Variants in DENND1A observed in about 807,000 individuals in gnomAD.
The protein encoded by DENND1A is DENN domain containing 1A, also known as DENN domain-containing protein 1A.
A neutral mutation model predicts 113.7 loss-of-function variants in DENND1A; 51 were observed. That is an observed-to-expected ratio of 0.45 (90% CI 0.36 to 0.57). DENND1A has a LOEUF of 0.57. Among genes scored for constraint, DENND1A ranks in the 20% least tolerant of loss-of-function variants. The pLI is 0.00. For synonymous variants in DENND1A, 565 were observed against 570.8 expected, an observed-to-expected ratio of 0.99 and a Z score of 0.14; for missense variants, 1,258 against 1,395.9, an observed-to-expected ratio of 0.90 and a Z score of 1.57.
chr9:123,530,941 T>G lies in DENND1A; in HGVS notation c.993+26629A>C, dbSNP rs567638968. 2.0e-5 allele frequency among the ~76,000 whole-genome samples: 3 copies of G among 152,334 alleles called. No homozygotes were observed. In the East Asian group the frequency reaches 5.8e-4, roughly 29 times the overall value. On this transcript the variant is annotated intron_variant, in intron 13 of 23. Transcript: ENST00000394215. ...TTTTTCTCTCTTTCCAAATTTCTTA[T>G]TGTACATAATATTTTTATGGTTGAC...
At chr9:123,629,379 C>G (rs1413777544) in intron 10 of DENND1A, among the ~76,000 whole-genome samples, 1 of 152,188 alleles carries the variant, frequency 6.6e-6, no homozygotes, top group African/African-American at 2.4e-5. Flanking sequence ...CTGCATTACA[C>G]TAGAGAAAGA....
At chr9:123,443,736 C>A (rs1206534299) in intron 18 of DENND1A, among the ~76,000 whole-genome samples, 1 of 152,242 alleles carries the variant, frequency 6.6e-6, no homozygotes, top group Non-Finnish European at 1.5e-5. Flanking sequence ...GGAAGGATCA[C>A]TTGAGCCCAG....
chr9:123,566,916 C>T (rs2058084376), intron 12 of DENND1A, among the ~76,000 whole-genome samples: 2 of 141,474 alleles, frequency 1.4e-5, no homozygotes, highest in Non-Finnish European at 3.2e-5. Flanking sequence ...TAACACACCA[C>T]ACACACACAC....
At chr9:123,738,441 TTCTG>T (rs927508015) in intron 5 of DENND1A, among the ~76,000 whole-genome samples, 6 of 123,376 alleles carry the variant, frequency 4.9e-5, no homozygotes, top group African/African-American at 2.1e-4. Flanking sequence ...TGTCAACAGC[TTCTG>T]TGTGTGTGTG....
intron 5 of DENND1A, among the ~76,000 whole-genome samples, chr9:123,707,728 C>T (rs1180457728): frequency 1.3e-5 from 2 of 152,030 alleles, no homozygotes. Flanking sequence ...GAACTGACGA[C>T]AACAAATTCA....
chr9:123,423,240 G>C (rs1354405033), intron 19 of DENND1A, among the ~76,000 whole-genome samples: 1 of 152,180 alleles, frequency 6.6e-6, no homozygotes, highest in African/African-American at 2.4e-5. Context: ...GAAAGTTACA[G>C]GGCTCCGGTA....
chr9:123,559,523 C>A (rs2057616528), intron 12 of DENND1A, among the ~76,000 whole-genome samples: 1 of 152,092 alleles, frequency 6.6e-6, no homozygotes, highest in Non-Finnish European at 1.5e-5. Context: ...CTAAAGGTGC[C>A]TGTGACCCTA....
intron 12 of DENND1A, among the ~76,000 whole-genome samples, chr9:123,574,636 A>C (rs1447385332): frequency 6.6e-6 from 1 of 152,180 alleles, no homozygotes; most frequent in East Asian, 1.9e-4. Context: ...AGGGGTGTTA[A>C]AGGGAGAGAA....
intron 1 of DENND1A, among the ~76,000 whole-genome samples, chr9:123,896,234 C>T (rs936921166): frequency 6.6e-6 from 1 of 152,028 alleles, no homozygotes; most frequent in Non-Finnish European, 1.5e-5. Context: ...TTAGCTTGAG[C>T]CCAGGAGTTC....
chr9:123,732,378 ACACACAC>A (rs2068240018), intron 5 of DENND1A, among the ~76,000 whole-genome samples: 1 of 152,274 alleles, frequency 6.6e-6, no homozygotes, highest in Non-Finnish European at 1.5e-5. Context: ...AATCACAGAT[ACACACAC>A]CAACATGGAT....
At chr9:123,696,220 T>C (rs2065510702) in intron 5 of DENND1A, among the ~76,000 whole-genome samples, 1 of 152,216 alleles carries the variant, frequency 6.6e-6, no homozygotes, top group African/African-American at 2.4e-5. Context: ...TTTCAAAAGC[T>C]GGTATTTGGA....
chr9:123,813,998 C>G (rs1232786660), intron 2 of DENND1A, among the ~76,000 whole-genome samples: 1 of 152,144 alleles, frequency 6.6e-6, no homozygotes, highest in Non-Finnish European at 1.5e-5. Flanking sequence ...CTTGCATAAG[C>G]TAACCAAAAT....
chr9:123,402,260 A>ACACATG, intron 21 of DENND1A, among the ~76,000 whole-genome samples: 1 of 151,822 alleles, frequency 6.6e-6, no homozygotes, highest in African/African-American at 2.4e-5. Flanking sequence ...ACACACACAC[A>ACACATG]CACGCACGCA....
chr9:123,557,445 AAC>A (rs1589128109), intron 13 of DENND1A, 123 bp downstream of exon 13: 1 of 1,437,872 alleles, frequency 7.0e-7, no homozygotes, highest in East Asian at 2.3e-5. Flanking sequence ...CCCCACCACA[AAC>A]ACACACAAGC....
intron 19 of DENND1A, among the ~76,000 whole-genome samples, chr9:123,416,891 G>C (rs1246751500): frequency 6.6e-6 from 1 of 152,182 alleles, no homozygotes; most frequent in Non-Finnish European, 1.5e-5. Context: ...CCTTGTCCTT[G>C]AGGACTGCAG....
At chr9:123,885,019 ACACACACACACT>A (rs1848840233) in intron 1 of DENND1A, among the ~76,000 whole-genome samples, 1 of 149,404 alleles carries the variant, frequency 6.7e-6, no homozygotes, top group African/African-American at 2.5e-5. Context: ...ACACACACAC[ACACACACACACT>A]CACTCTCTCT....
At position 123,412,195 on chromosome 9, in the gene DENND1A, A is replaced by C. The variant is rs185472612; in HGVS notation, c.1489-366T>G. 2.0e-4 allele frequency among the ~76,000 whole-genome samples: 30 copies of C among 152,160 alleles called. 1 individual carries two copies. Among genetic ancestry groups the C allele is most frequent in the Middle Eastern group, 3.4e-3 (1 of 294 alleles). On this transcript the variant is annotated intron_variant, in intron 19 of 23. Coordinates refer to ENST00000394215, the MANE Select transcript of DENND1A (RefSeq NM_001352964.2). ...CGCCTGCTCAAGGCTAGAGGCTGGCACTGCATGTCCCCCAAGACCGGGACT... is the reference window on the plus strand; with the variant it reads ...CGCCTGCTCAAGGCTAGAGGCTGGCCCTGCATGTCCCCCAAGACCGGGACT...
At chr9:123,551,784 C>T (rs1238179626) in intron 13 of DENND1A, among the ~76,000 whole-genome samples, 1 of 152,144 alleles carries the variant, frequency 6.6e-6, no homozygotes, top group Admixed American at 6.5e-5. Flanking sequence ...CAACACTGGC[C>T]CTCCCCGCCC....
intron 11 of DENND1A, among the ~76,000 whole-genome samples, chr9:123,602,504 CAG>C (rs1453295863): frequency 2.0e-5 from 3 of 152,200 alleles, no homozygotes; most frequent in African/African-American, 2.4e-5. Context: ...TCCTACTTCG[CAG>C]AGAGTGTCTG....
Sources: allele counts gnomAD v4.1 joint callset (sites outside exome capture counted in the v4.1 genomes callset), GRCh38; gene constraint gnomAD v4.1.1; transcripts MANE v1.5; gene names NCBI Gene and HGNC (gene_info 2026-07-23, HGNC 2026-07-21).